Variants in FSTL5 observed in about 807,000 individuals in gnomAD.
The protein encoded by FSTL5 is follistatin like 5.
In FSTL5, 62 loss-of-function variants were observed where a neutral mutation model predicts 89.1. The ratio of observed to expected loss-of-function variants is 0.70; its 90% CI spans 0.57 to 0.86. FSTL5 has a LOEUF of 0.86. FSTL5 is among the 40% of genes least tolerant of loss of function. FSTL5 has a pLI of 0.00. For synonymous variants in FSTL5, 383 were observed against 346.2 expected (o/e 1.11, Z -1.18); for missense variants, 1,057 against 1,001.6 (o/e 1.06, Z -0.75).
chr4:161,887,202 T>A (rs1443466064), intron 4 of FSTL5, among the ~76,000 whole-genome samples: 1 of 152,140 alleles, frequency 6.6e-6, no homozygotes, highest in African/African-American at 2.4e-5. Context: ...TAAATTAAAT[T>A]AAACATTGAG....
intron 5 of FSTL5, among the ~76,000 whole-genome samples, chr4:161,765,915 C>T (rs1410793157): frequency 2.6e-5 from 4 of 151,988 alleles, no homozygotes; most frequent in African/African-American, 9.7e-5. Flanking sequence ...CTGCCTCAGC[C>T]TCCCCAGTCG....
intron 3 of FSTL5, among the ~76,000 whole-genome samples, chr4:161,959,359 T>C (rs1735110308): frequency 6.6e-6 from 1 of 152,088 alleles, no homozygotes; most frequent in Non-Finnish European, 1.5e-5. Flanking sequence ...TAGGATGTTA[T>C]TTTTTATTTT....
intron 10 of FSTL5, among the ~76,000 whole-genome samples, chr4:161,536,651 G>A (rs1422891419): frequency 2.6e-5 from 4 of 151,958 alleles, no homozygotes; most frequent in African/African-American, 4.8e-5. Context: ...AAACCTTGTC[G>A]AAAATTTAAT....
intron 4 of FSTL5, among the ~76,000 whole-genome samples, chr4:161,913,846 T>C (rs1733765579): frequency 6.6e-6 from 1 of 152,214 alleles, no homozygotes; most frequent in Non-Finnish European, 1.5e-5. Context: ...CCAATACCTG[T>C]ACCCGCATTG....
At chr4:161,409,869 A>G (rs1731528259) in intron 15 of FSTL5, among the ~76,000 whole-genome samples, 3 of 152,284 alleles carry the variant, frequency 2.0e-5, no homozygotes, top group Middle Eastern at 3.4e-3. Flanking sequence ...CAGGATCAAA[A>G]TCACATATCA....
chr4:161,534,728 T>C (rs1483710483), intron 10 of FSTL5, among the ~76,000 whole-genome samples: 4 of 152,068 alleles, frequency 2.6e-5, no homozygotes, highest in African/African-American at 9.7e-5. Context: ...AAATCTATCC[T>C]CAAATTCATT....
chr4:162,033,923 CAAGTAGCTG>C (rs1337111718), intron 2 of FSTL5, among the ~76,000 whole-genome samples: 1 of 152,126 alleles, frequency 6.6e-6, no homozygotes, highest in Non-Finnish European at 1.5e-5. Context: ...CTCAGCCTCT[CAAGTAGCTG>C]GAACTACAGG....
intron 7 of FSTL5, among the ~76,000 whole-genome samples, chr4:161,595,515 A>G (rs12650793): frequency 0.17 from 26,253 of 152,064 alleles, 2,371 homozygotes; most frequent in Middle Eastern, 0.32. Context: ...GATTGCTTAT[A>G]TATTTTTCAA....
At position 161,895,892 on chromosome 4, in the gene FSTL5, C is replaced by T. The variant is rs147064050; in HGVS notation, c.409+24512G>A. On this transcript the variant is annotated intron_variant, in intron 4 of 15. Transcript: ENST00000306100. ...TCCAGAGCTTACACTTTCTGTTTCA[C>T]CACAGACAAAAATATAGGGGGGCAT... Among the ~76,000 whole-genome samples, 10 of 152,134 alleles carry T rather than the reference C, an allele frequency of 6.6e-5. No homozygotes were observed. In the East Asian group the frequency reaches 1.7e-3, roughly 27 times the overall value.
intron 3 of FSTL5, among the ~76,000 whole-genome samples, chr4:162,009,559 T>C (rs560327635): frequency 6.7e-4 from 102 of 152,188 alleles, no homozygotes; most frequent in African/African-American, 2.4e-3. Flanking sequence ...CAAGGTTATA[T>C]GACCTCTGAT....
intron 8 of FSTL5, among the ~76,000 whole-genome samples, chr4:161,571,005 T>C (rs1285397002): frequency 6.6e-6 from 1 of 151,898 alleles, no homozygotes; most frequent in Non-Finnish European, 1.5e-5. Flanking sequence ...TCCCAGCTAC[T>C]ACTCGGGAGG....
chr4:161,886,775 C>T (rs1732821816), intron 4 of FSTL5, among the ~76,000 whole-genome samples: 1 of 152,036 alleles, frequency 6.6e-6, no homozygotes, highest in Admixed American at 6.6e-5. Context: ...ATTCCTAATA[C>T]AGAAAAACAT....
At chr4:161,565,247 T>TC (rs1553998177) in intron 8 of FSTL5, among the ~76,000 whole-genome samples, 2 of 151,764 alleles carry the variant, frequency 1.3e-5, no homozygotes, top group African/African-American at 4.8e-5. Context: ...ATCATCATCA[T>TC]ATTTATTATA....
chr4:161,868,910 C>G (rs1732174139), intron 4 of FSTL5, among the ~76,000 whole-genome samples: 1 of 152,130 alleles, frequency 6.6e-6, no homozygotes, highest in Non-Finnish European at 1.5e-5. Flanking sequence ...TCTAATGCAG[C>G]AATATTGTTA....
intron 1 of FSTL5, among the ~76,000 whole-genome samples, chr4:162,156,731 G>A (rs1482000248): frequency 6.6e-6 from 1 of 152,050 alleles, no homozygotes; most frequent in Non-Finnish European, 1.5e-5. Context: ...AGCAAGCACT[G>A]GAGTCTACAA....
At chr4:161,421,535 A>G (rs1731992483) in intron 15 of FSTL5, among the ~76,000 whole-genome samples, 1 of 152,138 alleles carries the variant, frequency 6.6e-6, no homozygotes, top group African/African-American at 2.4e-5. Context: ...ATGGGTTCCA[A>G]GTTGAAAAGG....
chr4:161,837,038 T>TA (rs1371821515), intron 4 of FSTL5, among the ~76,000 whole-genome samples: 1 of 152,138 alleles, frequency 6.6e-6, no homozygotes, highest in Admixed American at 6.6e-5. Flanking sequence ...CCTATGAGTC[T>TA]AAAAACTCAG....
chr4:162,012,104 A>C (rs1001559661), intron 3 of FSTL5, among the ~76,000 whole-genome samples: 1 of 152,188 alleles, frequency 6.6e-6, no homozygotes. Flanking sequence ...CATGTGATGC[A>C]CTACGTTCCA....
rs544224574 is a variant in FSTL5, at chr4:161,403,541, T to A, written c.1842-17092A>T. Reference sequence around the variant, plus strand: ...GCTATTGTTAATCTGTGTTTGAGAATATAATTTATTCTACCTTTTGTTCTT... The same window carrying A: ...GCTATTGTTAATCTGTGTTTGAGAAAATAATTTATTCTACCTTTTGTTCTT... On this transcript the variant is annotated intron_variant, in intron 15 of 15. Transcript: ENST00000306100. 9.2e-5 allele frequency among the ~76,000 whole-genome samples: 14 copies of A among 152,328 alleles called. No individual in the cohort carries two copies. In the South Asian group the frequency reaches 2.7e-3, roughly 29 times the overall value.
Sources: gnomAD v4.1 joint callset for allele counts (sites outside exome capture counted in the v4.1 genomes callset) on GRCh38, gnomAD v4.1.1 for gene constraint, MANE v1.5 for transcripts, NCBI Gene and HGNC (gene_info 2026-07-23, HGNC 2026-07-21) for gene names.